Variants in NLGN1 observed in about 807,000 individuals in gnomAD.
The protein encoded by NLGN1 is neuroligin-1.
In NLGN1, 12 loss-of-function variants were observed where a neutral mutation model predicts 65.5. That is an observed-to-expected ratio of 0.18 (90% CI 0.12 to 0.30). The LOEUF is 0.30. Among genes scored for constraint, NLGN1 ranks in the 10% least tolerant of loss-of-function variants. The probability of loss-of-function intolerance (pLI) is 1.00; values close to 1 mark genes in which losing one functional copy is unlikely to be tolerated. For synonymous variants in NLGN1, 350 were observed against 359.5 expected, an observed-to-expected ratio of 0.97 and a Z score of 0.30; for missense variants, 750 against 1,007.1, an observed-to-expected ratio of 0.74 and a Z score of 3.46.
intron 2 of NLGN1, among the ~76,000 whole-genome samples, chr3:173,539,625 T>TATATACAC: frequency 1.6e-5 from 1 of 64,148 alleles, no homozygotes; most frequent in African/African-American, 5.1e-5. Flanking sequence ...ATTATATATT[T>TATATACAC]ATATATACAC....
At chr3:173,653,092 A>G (rs774733834) in intron 3 of NLGN1, among the ~76,000 whole-genome samples, 4 of 152,104 alleles carry the variant, frequency 2.6e-5, no homozygotes, top group Non-Finnish European at 4.4e-5. Context: ...TCTATTTTGT[A>G]TTCTGAAACT....
At chr3:173,702,102 A>C (rs867757670) in intron 3 of NLGN1, among the ~76,000 whole-genome samples, 2 of 149,550 alleles carry the variant, frequency 1.3e-5, no homozygotes, top group African/African-American at 4.9e-5. Flanking sequence ...AGCTGGGCGT[A>C]GTGGCGGGCG....
At chr3:174,226,327 G>T (rs2152811478) in intron 4 of NLGN1, among the ~76,000 whole-genome samples, 1 of 152,128 alleles carries the variant, frequency 6.6e-6, no homozygotes, top group Middle Eastern at 3.4e-3. Flanking sequence ...ATCTAGGTTT[G>T]CTTTTGACCA....
intron 2 of NLGN1, among the ~76,000 whole-genome samples, chr3:173,577,104 T>G (rs2149350991): frequency 6.6e-6 from 1 of 152,296 alleles, no homozygotes; most frequent in Middle Eastern, 3.4e-3. Flanking sequence ...CTGCAGTTCT[T>G]TGGGCCACTG....
rs1724866078 is a variant in NLGN1, at chr3:173,842,005, A to G, written c.646+34173A>G. 1.3e-5 allele frequency among the ~76,000 whole-genome samples: 2 copies of G among 152,186 alleles called. 1 individual carries two copies. The highest frequency in any genetic ancestry group is 4.1e-4 in the South Asian group (2 of 4,822). ...CATACCCAAGACTGGGGAATTTACA[A>G]AGGAAAGTGGTTTAATTGGACTCAC... is the stretch of plus-strand genomic sequence containing the variant. On this transcript the variant is annotated intron_variant, in intron 4 of 6. Coordinates refer to ENST00000457714, the Ensembl canonical transcript of NLGN1.
intron 3 of NLGN1, among the ~76,000 whole-genome samples, chr3:173,713,319 T>G (rs1439635949): frequency 6.6e-6 from 1 of 152,144 alleles, no homozygotes. Flanking sequence ...ATTTGTATTA[T>G]TTGGGTTTAC....
intron 4 of NLGN1, among the ~76,000 whole-genome samples, chr3:174,063,457 T>G (rs905641575): frequency 2.0e-5 from 3 of 152,182 alleles, no homozygotes; most frequent in Non-Finnish European, 4.4e-5. Context: ...ATAGAAGAGA[T>G]AAACTTCTTT....
intron 2 of NLGN1, among the ~76,000 whole-genome samples, chr3:173,456,727 G>A (rs1047203130): frequency 6.6e-5 from 10 of 152,148 alleles, no homozygotes; most frequent in African/African-American, 2.2e-4. Context: ...ATTACTACCC[G>A]TAAGCATGAA....
chr3:173,988,747 A>AT (rs1185174826), intron 4 of NLGN1, among the ~76,000 whole-genome samples: 1 of 152,068 alleles, frequency 6.6e-6, no homozygotes, highest in Non-Finnish European at 1.5e-5. Flanking sequence ...ATCTCCAAAT[A>AT]TTTTTTATCT....
At chr3:174,047,609 A>T (rs1733904071) in intron 4 of NLGN1, among the ~76,000 whole-genome samples, 1 of 152,060 alleles carries the variant, frequency 6.6e-6, no homozygotes, top group African/African-American at 2.4e-5. Flanking sequence ...ACATGCACAG[A>T]TGCATATAAG....
At chr3:173,852,851 G>A (rs184033409) in intron 4 of NLGN1, among the ~76,000 whole-genome samples, 3 of 152,268 alleles carry the variant, frequency 2.0e-5, no homozygotes, top group East Asian at 1.9e-4. Flanking sequence ...GCTAAGGGAT[G>A]TTCATAAATA....
At chr3:173,760,174 G>A (rs1466086433) in intron 3 of NLGN1, among the ~76,000 whole-genome samples, 3 of 151,884 alleles carry the variant, frequency 2.0e-5, no homozygotes, top group Non-Finnish European at 4.4e-5. Flanking sequence ...GGGTCCCATA[G>A]AACTTTATTT....
chr3:173,716,137 C>T (rs961233664), intron 3 of NLGN1, among the ~76,000 whole-genome samples: 14 of 152,214 alleles, frequency 9.2e-5, no homozygotes, highest in Admixed American at 9.2e-4. Flanking sequence ...CCTGTCAAAG[C>T]TGGCTGTATG....
At chr3:173,963,736 T>G (rs1714142366) in intron 4 of NLGN1, among the ~76,000 whole-genome samples, 1 of 152,180 alleles carries the variant, frequency 6.6e-6, no homozygotes, top group South Asian at 2.1e-4. Flanking sequence ...AAATGTTGAA[T>G]TATGTTGTCA....
chr3:174,091,341 C>A (rs1744486275), intron 4 of NLGN1, among the ~76,000 whole-genome samples: 1 of 152,134 alleles, frequency 6.6e-6, no homozygotes, highest in South Asian at 2.1e-4. Context: ...TTAAAAATTT[C>A]TCTAAGTGAT....
chr3:173,662,639 C>A lies in NLGN1; in HGVS notation c.493+57548C>A, dbSNP rs1502484. Among the ~76,000 whole-genome samples the A allele has an allele frequency of 1.0e-3, 153 of 151,446 alleles. 2 individuals carry two copies. Among genetic ancestry groups the A allele is most frequent in the East Asian group, 8.4e-3 (43 of 5,140 alleles). On this transcript the variant is annotated intron_variant, in intron 3 of 6. Coordinates refer to ENST00000457714, the Ensembl canonical transcript of NLGN1. ...TGGAAGGATTCCAGATGTTTTCATT[C>A]GGGTCTTTCTTAGCCATTAGCATAT...
chr3:173,620,173 C>T (rs1753756316), intron 3 of NLGN1, among the ~76,000 whole-genome samples: 1 of 151,998 alleles, frequency 6.6e-6, no homozygotes. Context: ...GATGATAAAC[C>T]ACGATAGGGA....
intron 4 of NLGN1, among the ~76,000 whole-genome samples, chr3:174,135,569 T>C (rs955833124): frequency 2.0e-5 from 3 of 152,168 alleles, no homozygotes; most frequent in African/African-American, 4.8e-5. Context: ...TTTGAAGTGC[T>C]AACAGTTTTG....
chr3:174,030,763 A>G (rs1007573788), intron 4 of NLGN1, among the ~76,000 whole-genome samples: 2 of 152,208 alleles, frequency 1.3e-5, no homozygotes, highest in Admixed American at 6.5e-5. Context: ...CTACTTAATG[A>G]CTAAATAATA....
Sources: gnomAD v4.1 joint callset for allele counts (sites outside exome capture counted in the v4.1 genomes callset) on GRCh38, gnomAD v4.1.1 for gene constraint, MANE v1.5 for transcripts, NCBI Gene and HGNC (gene_info 2026-07-23, HGNC 2026-07-21) for gene names.